Variants in HS6ST3 observed in about 807,000 individuals in gnomAD.
HS6ST3 encodes the protein heparan sulfate 6-O-sulfotransferase 3, also known as heparan-sulfate 6-O-sulfotransferase 3.
Under a neutral mutation model 36.7 loss-of-function variants are expected in HS6ST3, and 12 were observed. The observed-to-expected ratio is 0.33, with a 90% CI of 0.21 to 0.53. The LOEUF is 0.53. HS6ST3 is among the 20% of genes least tolerant of loss of function. HS6ST3 has a pLI of 0.95. For missense variants in HS6ST3, 584 were observed against 640.9 expected (o/e 0.91, Z 0.96); for synonymous variants, 240 against 257.5 (o/e 0.93, Z 0.65).
intron 1 of HS6ST3, among the ~76,000 whole-genome samples, chr13:96,793,559 T>A (rs1877841072): frequency 6.6e-6 from 1 of 151,852 alleles, no homozygotes; most frequent in Non-Finnish European, 1.5e-5. Context: ...AGAAGGAGGG[T>A]TGGTGAGTGG....
chr13:96,484,201 A>T (rs1260886272), intron 1 of HS6ST3, among the ~76,000 whole-genome samples: 1 of 151,972 alleles, frequency 6.6e-6, no homozygotes, highest in African/African-American at 2.4e-5. Context: ...AAAGTGTAAA[A>T]CTTAATGTTT....
At chr13:96,525,437 G>A (rs951920287) in intron 1 of HS6ST3, among the ~76,000 whole-genome samples, 1 of 152,022 alleles carries the variant, frequency 6.6e-6, no homozygotes, top group African/African-American at 2.4e-5. Context: ...GGTTGCTCTG[G>A]TGCTTCTCCA....
At chr13:96,226,430 G>C (rs2054480817) in intron 1 of HS6ST3, among the ~76,000 whole-genome samples, 1 of 152,188 alleles carries the variant, frequency 6.6e-6, no homozygotes, top group African/African-American at 2.4e-5. Flanking sequence ...TGAGACAGGA[G>C]AATTGCTTGA....
intron 1 of HS6ST3, among the ~76,000 whole-genome samples, chr13:96,198,968 G>T (rs2054328179): frequency 6.6e-6 from 1 of 152,198 alleles, no homozygotes; most frequent in African/African-American, 2.4e-5. Context: ...AGAAGAAAAA[G>T]AGGTTTAATT....
At chr13:96,584,630 A>T (rs1490703464) in intron 1 of HS6ST3, among the ~76,000 whole-genome samples, 2 of 152,228 alleles carry the variant, frequency 1.3e-5, no homozygotes, top group East Asian at 3.9e-4. Flanking sequence ...AGGTACTGTT[A>T]GGCTTAAGTG....
intron 1 of HS6ST3, among the ~76,000 whole-genome samples, chr13:96,804,606 C>A (rs1161854646): frequency 6.6e-6 from 1 of 152,110 alleles, no homozygotes; most frequent in Non-Finnish European, 1.5e-5. Flanking sequence ...CCTACAAAAC[C>A]TGCAAAGAAT....
At chr13:96,276,427 CCT>C (rs1470965308) in intron 1 of HS6ST3, among the ~76,000 whole-genome samples, 2 of 152,154 alleles carry the variant, frequency 1.3e-5, no homozygotes, top group African/African-American at 4.8e-5. Context: ...AGTCCCCAAA[CCT>C]GACTGGGAGC....
intron 1 of HS6ST3, among the ~76,000 whole-genome samples, chr13:96,406,254 A>G (rs2055477721): frequency 6.6e-6 from 1 of 152,248 alleles, no homozygotes; most frequent in African/African-American, 2.4e-5. Context: ...AAAACAATGT[A>G]AAATCATTCA....
intron 1 of HS6ST3, among the ~76,000 whole-genome samples, chr13:96,244,010 GC>G (rs558778974): frequency 1.1e-4 from 17 of 150,494 alleles, no homozygotes; most frequent in African/African-American, 4.2e-4. Context: ...ACTAAAAAAG[GC>G]CCCCCCGAGA....
chr13:96,711,957 T>C (rs1875573598), intron 1 of HS6ST3, among the ~76,000 whole-genome samples: 1 of 152,246 alleles, frequency 6.6e-6, no homozygotes, highest in African/African-American at 2.4e-5. Context: ...GTTGAGTAGA[T>C]CAGTTAGTAT....
At chr13:96,169,616 T>G (rs2054177855) in intron 1 of HS6ST3, 1 of 152,354 alleles carries the variant, frequency 6.6e-6, no homozygotes, top group Non-Finnish European at 1.5e-5. Context: ...CAGGATCGCA[T>G]GAGCCCAGGA....
At chr13:96,257,049 T>C (rs2054640745) in intron 1 of HS6ST3, among the ~76,000 whole-genome samples, 2 of 152,200 alleles carry the variant, frequency 1.3e-5, no homozygotes, top group Admixed American at 1.3e-4. Context: ...ATATCATAAC[T>C]GCATTCTAAG....
At chr13:96,274,839 T>TCA (rs60430769) in intron 1 of HS6ST3, among the ~76,000 whole-genome samples, 6,356 of 126,036 alleles carry the variant, frequency 0.05, 192 homozygotes, top group Admixed American at 0.074. Flanking sequence ...ACTTAGTCCT[T>TCA]CACACACACA....
At chr13:96,668,333 G>T (rs1447303523) in intron 1 of HS6ST3, among the ~76,000 whole-genome samples, 1 of 152,124 alleles carries the variant, frequency 6.6e-6, no homozygotes, top group Non-Finnish European at 1.5e-5. Flanking sequence ...AAACAGGCAG[G>T]ATGAGAAAAC....
chr13:96,392,991 G>T (rs1295672736), intron 1 of HS6ST3, among the ~76,000 whole-genome samples: 1 of 152,158 alleles, frequency 6.6e-6, no homozygotes, highest in African/African-American at 2.4e-5. Flanking sequence ...GGGACCTGGT[G>T]GGAGATGATT....
intron 1 of HS6ST3, among the ~76,000 whole-genome samples, chr13:96,656,922 G>A (rs926480735): frequency 6.6e-6 from 1 of 150,986 alleles, no homozygotes; most frequent in African/African-American, 2.4e-5. Context: ...ACCTGAATGT[G>A]TTATGGCCAG....
intron 1 of HS6ST3, among the ~76,000 whole-genome samples, chr13:96,462,835 A>G (rs1221617903): frequency 1.3e-5 from 2 of 152,232 alleles, no homozygotes; most frequent in Non-Finnish European, 2.9e-5. Context: ...TTGCATTTCT[A>G]GATGCTAGCA....
chr13:96,312,070 T>A (rs1443451159), intron 1 of HS6ST3, among the ~76,000 whole-genome samples: 1 of 152,194 alleles, frequency 6.6e-6, no homozygotes, highest in Non-Finnish European at 1.5e-5. Context: ...AGCTGCATAG[T>A]AACATAGAGC....
At chr13:96,701,617 C>A (rs1475364997) in intron 1 of HS6ST3, among the ~76,000 whole-genome samples, 1 of 152,050 alleles carries the variant, frequency 6.6e-6, no homozygotes, top group Non-Finnish European at 1.5e-5. Context: ...GTTCCCATGA[C>A]AAAATTGTTT....
Sources: allele counts gnomAD v4.1 joint callset (sites outside exome capture counted in the v4.1 genomes callset), GRCh38; gene constraint gnomAD v4.1.1; transcripts MANE v1.5; gene names NCBI Gene and HGNC (gene_info 2026-07-23, HGNC 2026-07-21).